Variants in UBE2E2 observed in about 807,000 individuals in gnomAD.
UBE2E2 encodes ubiquitin conjugating enzyme E2 E2.
A neutral mutation model predicts 24.7 loss-of-function variants in UBE2E2; 6 were observed. That is an observed-to-expected ratio of 0.24 (90% CI 0.13 to 0.48). The LOEUF (loss-of-function observed/expected upper bound fraction) is 0.48, where lower values mean the gene tolerates loss of function less well. Ranked by LOEUF, UBE2E2 falls within the 20% of genes least tolerant of loss-of-function variation. The pLI is 0.99. For missense variants in UBE2E2, 169 were observed against 245.0 expected, an observed-to-expected ratio of 0.69 and a Z score of 2.07; for synonymous variants, 104 against 83.6, an observed-to-expected ratio of 1.24 and a Z score of -1.33.
intron 3 of UBE2E2, among the ~76,000 whole-genome samples, chr3:23,448,535 T>TA (rs970522021): frequency 6.6e-6 from 1 of 152,192 alleles, no homozygotes; most frequent in Non-Finnish European, 1.5e-5. Context: ...TTGGGAATGA[T>TA]ATTAGTTCCT....
intron 3 of UBE2E2, among the ~76,000 whole-genome samples, chr3:23,392,060 GT>G (rs1264566101): frequency 6.6e-6 from 1 of 152,038 alleles, no homozygotes; most frequent in Non-Finnish European, 1.5e-5. Context: ...GGTTTATCAT[GT>G]TTTAATACCC....
At chr3:23,466,333 C>T (rs1325891268) in intron 3 of UBE2E2, among the ~76,000 whole-genome samples, 2 of 152,230 alleles carry the variant, frequency 1.3e-5, no homozygotes, top group South Asian at 2.1e-4. Flanking sequence ...GCCTGAAATA[C>T]GCATGATGAT....
intron 4 of UBE2E2, among the ~76,000 whole-genome samples, chr3:23,509,679 T>C (rs1694540616): frequency 6.6e-6 from 1 of 152,146 alleles, no homozygotes; most frequent in Middle Eastern, 3.4e-3. Context: ...CTGCACCCGT[T>C]AACTCGTCCT....
At chr3:23,450,325 G>T (rs1402920981) in intron 3 of UBE2E2, among the ~76,000 whole-genome samples, 1 of 152,162 alleles carries the variant, frequency 6.6e-6, no homozygotes, top group Non-Finnish European at 1.5e-5. Flanking sequence ...CTAACCTCAT[G>T]TGGCTACTGA....
At chr3:23,282,388 CTTA>C (rs1698509029) in intron 3 of UBE2E2, among the ~76,000 whole-genome samples, 1 of 152,094 alleles carries the variant, frequency 6.6e-6, no homozygotes, top group Non-Finnish European at 1.5e-5. Context: ...CAGTTTCTAT[CTTA>C]TTATGCATGA....
At chr3:23,571,280 C>CTT (rs59243406) in intron 5 of UBE2E2, among the ~76,000 whole-genome samples, 1,736 of 29,784 alleles carry the variant, frequency 0.058, 638 homozygotes, top group South Asian at 0.11. Context: ...GTGCTCCTTT[C>CTT]TTTTTTTTTT....
chr3:23,282,071 G>A (rs1170951954), intron 3 of UBE2E2, among the ~76,000 whole-genome samples: 2 of 152,174 alleles, frequency 1.3e-5, no homozygotes, highest in African/African-American at 2.4e-5. Flanking sequence ...TAACCAGCAA[G>A]GGGCAAGGGC....
At chr3:23,548,076 T>C (rs1695564063) in intron 5 of UBE2E2, among the ~76,000 whole-genome samples, 1 of 152,178 alleles carries the variant, frequency 6.6e-6, no homozygotes, top group Non-Finnish European at 1.5e-5. Flanking sequence ...CAGTGTGAAC[T>C]ACTGGCTTTT....
At chr3:23,452,830 CAG>C (rs1469218112) in intron 3 of UBE2E2, among the ~76,000 whole-genome samples, 1 of 152,120 alleles carries the variant, frequency 6.6e-6, no homozygotes, top group African/African-American at 2.4e-5. Context: ...TATGATCTAA[CAG>C]AGTTAGGATG....
At chr3:23,567,038 C>G (rs1206603224) in intron 5 of UBE2E2, among the ~76,000 whole-genome samples, 2 of 152,122 alleles carry the variant, frequency 1.3e-5, no homozygotes, top group African/African-American at 4.8e-5. Flanking sequence ...CCAGACCAGT[C>G]TTAGTGAGGT....
At position 23,407,945 on chromosome 3, in the gene UBE2E2, A is replaced by AC. The variant is rs1001324964; in HGVS notation, c.228-91662dup. 2.0e-5 allele frequency among the ~76,000 whole-genome samples: 3 copies of AC among 151,986 alleles called. No homozygotes were observed. The highest frequency in any genetic ancestry group is 7.3e-5 in the African/African-American group (3 of 41,374). ...GTATTGGAACCTTCTGAAATGAAAT[A>AC]CAGATACTTACCTTTATGTGTAATT... is the stretch of plus-strand genomic sequence containing the variant. On this transcript the variant is annotated intron_variant, in intron 3 of 5. Transcript: ENST00000396703. This position sits in a 1 kb window ranked among gnomAD's most constrained non-coding sequence, Gnocchi z 4.0.
intron 5 of UBE2E2, among the ~76,000 whole-genome samples, chr3:23,570,184 C>A (rs567816871): frequency 6.6e-6 from 1 of 152,152 alleles, no homozygotes; most frequent in Non-Finnish European, 1.5e-5. Context: ...TAACTCCTTG[C>A]GGGTGAGGGA....
chr3:23,394,927 T>C (rs1007845033), intron 3 of UBE2E2, among the ~76,000 whole-genome samples: 1 of 152,204 alleles, frequency 6.6e-6, no homozygotes, highest in Non-Finnish European at 1.5e-5. Flanking sequence ...TCAGCAAAGC[T>C]ATTGAGCCCA....
At chr3:23,533,744 C>A (rs770547408) in intron 5 of UBE2E2, among the ~76,000 whole-genome samples, 3 of 151,446 alleles carry the variant, frequency 2.0e-5, no homozygotes, top group South Asian at 4.2e-4. Flanking sequence ...TATCTTAGCC[C>A]CCCAAGTAGC....
At chr3:23,208,175 T>C (rs756867996) in intron 1 of UBE2E2, among the ~76,000 whole-genome samples, 2 of 152,028 alleles carry the variant, frequency 1.3e-5, no homozygotes, top group African/African-American at 2.4e-5. Context: ...TCCCAAAACA[T>C]TGGGGATTAC....
At chr3:23,318,716 A>T (rs1404187642) in intron 3 of UBE2E2, among the ~76,000 whole-genome samples, 1 of 152,114 alleles carries the variant, frequency 6.6e-6, no homozygotes, top group African/African-American at 2.4e-5. Context: ...AGTATGGGGG[A>T]AACTGCCCCC....
chr3:23,493,936 T>C (rs1364319643), intron 3 of UBE2E2, among the ~76,000 whole-genome samples: 12 of 152,228 alleles, frequency 7.9e-5, no homozygotes, highest in Non-Finnish European at 1.8e-4. Context: ...CCAAGTTCTG[T>C]GAGTACAGTT....
At chr3:23,483,929 C>T (rs1181976442) in intron 3 of UBE2E2, among the ~76,000 whole-genome samples, 4 of 152,122 alleles carry the variant, frequency 2.6e-5, no homozygotes, top group Admixed American at 6.5e-5. Context: ...ACAAACACAG[C>T]GGAGTTTGTC....
chr3:23,203,683 T>G (rs1696036694), intron 1 of UBE2E2, among the ~76,000 whole-genome samples: 1 of 96,626 alleles, frequency 1.0e-5, no homozygotes, highest in South Asian at 4.5e-4. Flanking sequence ...CTCCCCCTTC[T>G]TCCCATCCCC....
Sources: allele counts gnomAD v4.1 joint callset (sites outside exome capture counted in the v4.1 genomes callset), GRCh38; gene constraint gnomAD v4.1.1; non-coding constraint Gnocchi (gnomAD v3.1); transcripts MANE v1.5; gene names NCBI Gene and HGNC (gene_info 2026-07-23, HGNC 2026-07-21).